The following SLCO3A1 variants were observed in gnomAD, a reference collection of about 807,000 sequenced individuals.
SLCO3A1 encodes PGE1 transporter.
In SLCO3A1, 27 loss-of-function variants were observed where a neutral mutation model predicts 63.1. The observed-to-expected ratio is 0.43, with a 90% CI of 0.32 to 0.59. The LOEUF is 0.59. SLCO3A1 is among the 20% of genes least tolerant of loss of function. The pLI is 0.09. For synonymous variants in SLCO3A1, 473 were observed against 409.9 expected, an observed-to-expected ratio of 1.15 and a Z score of -1.86; for missense variants, 773 against 945.8, an observed-to-expected ratio of 0.82 and a Z score of 2.40.
Position 92,164,401 on chromosome 15 carries a change from T to C in SLCO3A1, c.*1266T>C. ...AGACAACAGGGGATAATGTGATGAATTGCAAATTTGCCTTTTAGCTTCCTT... is the reference window on the plus strand; with the variant it reads ...AGACAACAGGGGATAATGTGATGAACTGCAAATTTGCCTTTTAGCTTCCTT... On this transcript the variant is annotated 3_prime_UTR_variant, in exon 10 of 10. Transcript: ENST00000318445. 2 of 985,456 alleles carry C rather than the reference T, an allele frequency of 2.0e-6. No homozygotes were observed. The highest frequency in any genetic ancestry group is 2.4e-6 in the Non-Finnish European group (2 of 829,926). The allele number at this position is 985,456 out of a possible 1,614,324, so 61.0% of individuals were successfully genotyped here.
At chr15:91,921,851 T>C (rs1898856622) in intron 2 of SLCO3A1, among the ~76,000 whole-genome samples, 1 of 152,038 alleles carries the variant, frequency 6.6e-6, no homozygotes, top group Non-Finnish European at 1.5e-5. Context: ...TGCCTCATCC[T>C]CCCGAGTAGC....
At chr15:91,921,031 G>T (rs1030670513) in intron 2 of SLCO3A1, among the ~76,000 whole-genome samples, 11 of 152,220 alleles carry the variant, frequency 7.2e-5, no homozygotes, top group Non-Finnish European at 7.3e-5. Flanking sequence ...GTATTAGTTT[G>T]CTAGGGCTGC....
chr15:91,879,101 G>A (rs184824871), intron 1 of SLCO3A1, among the ~76,000 whole-genome samples: 83 of 152,234 alleles, frequency 5.5e-4, no homozygotes, highest in African/African-American at 2.0e-3. Context: ...AATTCTGAAG[G>A]GTAAGCACGC....
chr15:91,892,968 T>C (rs1392204313), intron 1 of SLCO3A1, among the ~76,000 whole-genome samples: 1 of 152,276 alleles, frequency 6.6e-6, no homozygotes, highest in Non-Finnish European at 1.5e-5. Context: ...CTGTTATTTT[T>C]AGCACTTAGT....
intron 7 of SLCO3A1, among the ~76,000 whole-genome samples, chr15:92,135,187 G>T (rs2048041948): frequency 6.6e-6 from 1 of 152,158 alleles, no homozygotes; most frequent in South Asian, 2.1e-4. Flanking sequence ...AGATGGAGGG[G>T]CCCTGTGTTC....
intron 7 of SLCO3A1, among the ~76,000 whole-genome samples, chr15:92,140,718 C>A (rs894497547): frequency 6.6e-6 from 1 of 152,162 alleles, no homozygotes; most frequent in East Asian, 1.9e-4. Flanking sequence ...GAATTGATCC[C>A]TTTACCATTA....
intron 2 of SLCO3A1, among the ~76,000 whole-genome samples, chr15:91,936,104 A>G (rs190806681): frequency 1.3e-5 from 2 of 152,300 alleles, no homozygotes; most frequent in Admixed American, 1.3e-4. Flanking sequence ...GCTTCCTCCC[A>G]GATACAACGG....
chr15:91,972,733 G>T (rs1333600742), intron 2 of SLCO3A1, among the ~76,000 whole-genome samples: 2 of 152,186 alleles, frequency 1.3e-5, no homozygotes, highest in Non-Finnish European at 2.9e-5. Flanking sequence ...CCCAGGGAAT[G>T]CCCTTGCGTG....
chr15:92,134,049 T>C (rs1450828772), intron 7 of SLCO3A1, among the ~76,000 whole-genome samples: 1 of 152,204 alleles, frequency 6.6e-6, no homozygotes, highest in African/African-American at 2.4e-5. Flanking sequence ...ATAGCTATCA[T>C]GGGACCTGCA....
chr15:92,049,528 A>G (rs1446120736), intron 2 of SLCO3A1, among the ~76,000 whole-genome samples: 1 of 152,198 alleles, frequency 6.6e-6, no homozygotes, highest in Non-Finnish European at 1.5e-5. Flanking sequence ...AGATTTTACC[A>G]ACCAGTGCCT....
At chr15:91,981,253 T>C (rs1458966805) in intron 2 of SLCO3A1, among the ~76,000 whole-genome samples, 1 of 151,956 alleles carries the variant, frequency 6.6e-6, no homozygotes, top group African/African-American at 2.4e-5. Flanking sequence ...GGCTCCCATT[T>C]CTCCCTGCTC....
chr15:91,969,861 A>G (rs1597170763), intron 2 of SLCO3A1, among the ~76,000 whole-genome samples: 1 of 151,944 alleles, frequency 6.6e-6, no homozygotes, highest in Admixed American at 6.6e-5. Flanking sequence ...GTTGCTGGGG[A>G]ATTGGGTAGG....
At chr15:91,959,431 T>A (rs1900353711) in intron 2 of SLCO3A1, among the ~76,000 whole-genome samples, 1 of 151,930 alleles carries the variant, frequency 6.6e-6, no homozygotes, top group Non-Finnish European at 1.5e-5. Context: ...ATTGAAATTT[T>A]AAAAAAGAAA....
At chr15:92,149,159 A>C (rs1434568949) in intron 8 of SLCO3A1, 19 of 152,400 alleles carry the variant, frequency 1.2e-4, no homozygotes, top group Admixed American at 1.2e-3. Context: ...CAAACATGGA[A>C]AGTTTGTTGA....
chr15:92,095,054 G>A, intron 3 of SLCO3A1, 75 bp downstream of exon 3: 1 of 1,043,260 alleles, frequency 9.6e-7, no homozygotes. Flanking sequence ...TCAGCCTGTG[G>A]GTTCTAAAAC....
chr15:91,853,733 C>CGGCG lies in SLCO3A1; in HGVS notation c.-175_-174insGCGG. 1.8e-6 allele frequency: 1 copy of CGGCG among 564,906 alleles called. No individual in the cohort carries two copies. The highest frequency in any genetic ancestry group is 7.6e-5 in the South Asian group (1 of 13,148). The allele number at this position is 564,906 out of a possible 1,614,324, so 35.0% of individuals were successfully genotyped here. ...GCGATCGCGGCGGCGGCGGCGGCGG[C>CGGCG]GAGGAGCTGTGCCTTCCACCTCTCC... is the stretch of plus-strand genomic sequence containing the variant. On this transcript the variant is annotated 5_prime_UTR_variant, in exon 1 of 10. Coordinates refer to ENST00000318445, the MANE Select transcript of SLCO3A1 (RefSeq NM_013272.4).
rs1235562545 is a variant in SLCO3A1 at position 91,950,601 on chromosome 15, G to C, written c.646+34143G>C. ...TAGCCTCCTAAGAATGAGGTTCCTA[G>C]TTCTTACCTAATTTCTCTTCAATTT... On this transcript the variant is annotated intron_variant, in intron 2 of 9. Transcript: ENST00000318445. This position sits in a 1 kb window ranked among gnomAD's most constrained non-coding sequence, Gnocchi z 4.4. Among the ~76,000 whole-genome samples, 1 of 152,204 alleles carries C rather than the reference G, an allele frequency of 6.6e-6. No homozygotes were observed. Among genetic ancestry groups the C allele is most frequent in the Non-Finnish European group, 1.5e-5 (1 of 68,036 alleles).
At chr15:92,101,650 A>C (rs1441297361) in intron 3 of SLCO3A1, among the ~76,000 whole-genome samples, 1 of 152,188 alleles carries the variant, frequency 6.6e-6, no homozygotes, top group Non-Finnish European at 1.5e-5. Context: ...TCCACAGCTG[A>C]GCAGTTTCTC....
chr15:92,132,622 A>AG (rs1231509381), intron 7 of SLCO3A1, among the ~76,000 whole-genome samples: 8 of 143,416 alleles, frequency 5.6e-5, no homozygotes, highest in Non-Finnish European at 1.2e-4. Flanking sequence ...TTGAATAGAA[A>AG]AAAAAAAAAA....
Sources: gnomAD v4.1 joint callset for allele counts (sites outside exome capture counted in the v4.1 genomes callset) on GRCh38, gnomAD v4.1.1 for gene constraint, Gnocchi (gnomAD v3.1) non-coding constraint, MANE v1.5 for transcripts, NCBI Gene and HGNC (gene_info 2026-07-23, HGNC 2026-07-21) for gene names.